Variants in MCTP1 observed in about 807,000 individuals in gnomAD.
The protein encoded by MCTP1 is multiple C2 and transmembrane domain-containing protein 1.
In MCTP1, 69 loss-of-function variants were observed where a neutral mutation model predicts 120.6. The ratio of observed to expected loss-of-function variants is 0.57; its 90% confidence interval spans 0.47 to 0.70. The LOEUF is 0.70. Ranked by LOEUF, MCTP1 falls within the 30% of genes least tolerant of loss-of-function variation. MCTP1 has a pLI of 0.00. For synonymous variants in MCTP1, 529 were observed against 493.1 expected (o/e 1.07, Z -0.96); for missense variants, 1,203 against 1,248.8 (o/e 0.96, Z 0.55).
intron 1 of MCTP1, among the ~76,000 whole-genome samples, chr5:95,072,666 A>G (rs978988978): frequency 6.6e-6 from 1 of 152,060 alleles, no homozygotes; most frequent in African/African-American, 2.4e-5. Flanking sequence ...ATATTCTCAA[A>G]GTCACAATAT....
chr5:94,987,879 T>G (rs1830703616), intron 2 of MCTP1, among the ~76,000 whole-genome samples: 1 of 152,184 alleles, frequency 6.6e-6, no homozygotes, highest in Non-Finnish European at 1.5e-5. Flanking sequence ...TCAGTGTGGT[T>G]TTACACAAAG....
intron 19 of MCTP1, among the ~76,000 whole-genome samples, chr5:94,766,773 A>G (rs1036107429): frequency 1.1e-4 from 16 of 152,208 alleles, no homozygotes; most frequent in Admixed American, 2.0e-4. Context: ...CCAATAAGAA[A>G]TAGTGAGATT....
chr5:94,820,955 C>T (rs963603710), intron 17 of MCTP1, among the ~76,000 whole-genome samples: 4 of 152,236 alleles, frequency 2.6e-5, no homozygotes, highest in African/African-American at 9.6e-5. Flanking sequence ...TTTAAAATAA[C>T]CATGCAAGGT....
chr5:94,758,218 A>G (rs1770418796), intron 19 of MCTP1, among the ~76,000 whole-genome samples: 1 of 152,270 alleles, frequency 6.6e-6, no homozygotes, highest in South Asian at 2.1e-4. Flanking sequence ...ATGCATGAAT[A>G]TATGAACAAA....
chr5:95,162,786 C>T (rs572109091), intron 1 of MCTP1, among the ~76,000 whole-genome samples: 2 of 152,246 alleles, frequency 1.3e-5, no homozygotes, highest in East Asian at 1.9e-4. Flanking sequence ...ATCTGTCAAC[C>T]ATGAACACTA....
chr5:94,766,066 G>A (rs927356591), intron 19 of MCTP1, among the ~76,000 whole-genome samples: 8 of 152,168 alleles, frequency 5.3e-5, no homozygotes, highest in South Asian at 4.1e-4. Context: ...CCAACATGGC[G>A]AAACCCCGTC....
intron 1 of MCTP1, 141 bp downstream of exon 1, chr5:95,283,715 C>T: frequency 5.3e-6 from 3 of 568,582 alleles, no homozygotes; most frequent in Non-Finnish European, 7.9e-6. Flanking sequence ...TGTTTTCTTT[C>T]GACTGTTTCA....
chr5:94,777,805 ATT>A (rs1265673535), intron 19 of MCTP1, among the ~76,000 whole-genome samples: 3 of 152,036 alleles, frequency 2.0e-5, no homozygotes, highest in Non-Finnish European at 4.4e-5. Flanking sequence ...CAGGAAGGAG[ATT>A]TTGTTAGTTT....
At chr5:95,276,332 C>T (rs1189408249) in intron 1 of MCTP1, among the ~76,000 whole-genome samples, 2 of 142,530 alleles carry the variant, frequency 1.4e-5, no homozygotes, top group Non-Finnish European at 3.0e-5. Context: ...TATCTCAGCT[C>T]ATTGCAACCT....
At chr5:95,248,289 A>C (rs1367846998) in intron 1 of MCTP1, among the ~76,000 whole-genome samples, 2 of 152,216 alleles carry the variant, frequency 1.3e-5, no homozygotes, top group Non-Finnish European at 2.9e-5. Flanking sequence ...GTCTCAGCCC[A>C]AAATCTCCTT....
At chr5:94,740,146 T>C (rs941770407) in intron 19 of MCTP1, among the ~76,000 whole-genome samples, 1 of 152,286 alleles carries the variant, frequency 6.6e-6, no homozygotes, top group African/African-American at 2.4e-5. Flanking sequence ...TAAAATAACT[T>C]TCTCTACACA....
chr5:95,050,749 A>C (rs1270803671), intron 1 of MCTP1, among the ~76,000 whole-genome samples: 1 of 152,228 alleles, frequency 6.6e-6, no homozygotes, highest in Non-Finnish European at 1.5e-5. Flanking sequence ...CTCACAAAAA[A>C]CCAGTGTGGA....
intron 1 of MCTP1, among the ~76,000 whole-genome samples, chr5:95,267,999 C>T (rs1182944501): frequency 6.6e-6 from 1 of 152,252 alleles, no homozygotes; most frequent in Non-Finnish European, 1.5e-5. Context: ...TAGTTATTTT[C>T]ATTCGATCCT....
In MCTP1 at chr5:94,718,766, C is replaced by G. The variant is rs551874547; in HGVS notation, c.2611-3880G>C. On this transcript the variant is annotated intron_variant, in intron 19 of 22. Transcript: ENST00000515393. ...TGAAGTTTCGCTCTTATTGCCCAGG[C>G]TGCAGCGCGATGGTGCAGTCTTGGC... 4.0e-4 allele frequency among the ~76,000 whole-genome samples: 61 copies of G among 152,320 alleles called. 1 individual carries two copies. In the South Asian group the frequency reaches 8.3e-3, roughly 21 times the overall value.
intron 1 of MCTP1, among the ~76,000 whole-genome samples, chr5:95,207,928 C>CAAGA (rs1554226621): frequency 3.5e-5 from 3 of 84,604 alleles, no homozygotes; most frequent in Non-Finnish European, 7.3e-5. Context: ...AATGAGCGGG[C>CAAGA]GAGAGAGAGA....
intron 1 of MCTP1, among the ~76,000 whole-genome samples, chr5:95,135,208 A>G (rs1250208562): frequency 6.6e-6 from 1 of 152,144 alleles, no homozygotes; most frequent in Non-Finnish European, 1.5e-5. Flanking sequence ...CTCTGGAAAG[A>G]TATAGTAGAT....
chr5:95,136,713 G>C (rs1759476037), intron 1 of MCTP1, among the ~76,000 whole-genome samples: 1 of 152,036 alleles, frequency 6.6e-6, no homozygotes, highest in Non-Finnish European at 1.5e-5. Flanking sequence ...CCTATTTTAC[G>C]GATGAAGAAA....
At chr5:95,173,938 A>T (rs1421296450) in intron 1 of MCTP1, among the ~76,000 whole-genome samples, 1 of 152,226 alleles carries the variant, frequency 6.6e-6, no homozygotes, top group African/African-American at 2.4e-5. Flanking sequence ...AATTAAAAAT[A>T]AATCAGTTAA....
intron 19 of MCTP1, among the ~76,000 whole-genome samples, chr5:94,733,195 C>T (rs764836799): frequency 6.6e-5 from 10 of 152,240 alleles, no homozygotes; most frequent in Middle Eastern, 3.4e-3. Context: ...AGTCAGAGAA[C>T]AGGGAGAGCA....
Sources: allele counts gnomAD v4.1 joint callset (sites outside exome capture counted in the v4.1 genomes callset), GRCh38; gene constraint gnomAD v4.1.1; transcripts MANE v1.5; gene names NCBI Gene and HGNC (gene_info 2026-07-23, HGNC 2026-07-21).